STK3: variants seen among roughly 807,000 people sequenced by gnomAD.
STK3 encodes serine/threonine-protein kinase 3.
A neutral mutation model predicts 58.0 loss-of-function variants in STK3; 41 were observed. The ratio of observed to expected loss-of-function variants is 0.71; its 90% CI spans 0.55 to 0.92. STK3 has a LOEUF of 0.92. STK3 is among the 40% of genes least tolerant of loss of function. The pLI is 0.00. For missense variants in STK3, 479 were observed against 602.7 expected (o/e 0.79, Z 2.15); for synonymous variants, 170 against 191.0 (o/e 0.89, Z 0.91).
chr8:98,718,858 T>C (rs573172048), intron 4 of STK3, among the ~76,000 whole-genome samples: 2 of 152,246 alleles, frequency 1.3e-5, no homozygotes, highest in African/African-American at 4.8e-5. Context: ...CTCAAAAATT[T>C]AAAATTACAT....
chr8:98,559,875 A>G (rs1563739556), intron 8 of STK3, among the ~76,000 whole-genome samples: 1 of 152,148 alleles, frequency 6.6e-6, no homozygotes, highest in Non-Finnish European at 1.5e-5. Context: ...AAGGATAACT[A>G]TATTTTGAAT....
intron 8 of STK3, among the ~76,000 whole-genome samples, chr8:98,569,413 G>A (rs1253980067): frequency 6.6e-6 from 1 of 151,944 alleles, no homozygotes; most frequent in Non-Finnish European, 1.5e-5. Flanking sequence ...GATGACAGCT[G>A]CTCAACACTC....
chr8:98,693,077 G>A (rs1824529983), intron 6 of STK3, among the ~76,000 whole-genome samples: 1 of 152,108 alleles, frequency 6.6e-6, no homozygotes, highest in Non-Finnish European at 1.5e-5. Flanking sequence ...GAAAGGCAGA[G>A]AGAAATTTGA....
chr8:98,502,123 C>G (rs1010558144), intron 10 of STK3, among the ~76,000 whole-genome samples: 2 of 152,264 alleles, frequency 1.3e-5, no homozygotes, highest in African/African-American at 4.8e-5. Flanking sequence ...TCCTTCATAT[C>G]CCTTGTAAGT....
chr8:98,520,259 A>G (rs1418022714), intron 10 of STK3, among the ~76,000 whole-genome samples: 4 of 152,138 alleles, frequency 2.6e-5, no homozygotes, highest in Non-Finnish European at 4.4e-5. Flanking sequence ...AATTAGCCCA[A>G]ATATATTTTA....
intron 6 of STK3, among the ~76,000 whole-genome samples, chr8:98,632,839 T>C (rs1476334113): frequency 1.3e-5 from 2 of 152,182 alleles, no homozygotes; most frequent in Non-Finnish European, 2.9e-5. Context: ...TGTTCACTGA[T>C]AAGAGAGAGA....
At chr8:98,550,228 A>C (rs2131591610) in intron 8 of STK3, among the ~76,000 whole-genome samples, 1 of 152,178 alleles carries the variant, frequency 6.6e-6, no homozygotes, top group East Asian at 1.9e-4. Flanking sequence ...CCTCTTCCTA[A>C]ACCTACATGC....
intron 1 of STK3, among the ~76,000 whole-genome samples, chr8:98,795,781 T>C (rs1833121730): frequency 6.6e-6 from 1 of 150,946 alleles, no homozygotes; most frequent in South Asian, 2.1e-4. Context: ...CACGATCCCA[T>C]TTACAATGGC....
intron 6 of STK3, among the ~76,000 whole-genome samples, chr8:98,630,673 G>GAGAAGGAGGAGAAGGAGA (rs1308118501): frequency 2.0e-5 from 3 of 149,226 alleles, no homozygotes; most frequent in East Asian, 3.9e-4. Context: ...GGAGAAGGAG[G>GAGAAGGAGGAGAAGGAGA]AGAAGGAGGA....
At chr8:98,911,849 AAGCTTAT>A (rs1192621744) in intron 1 of STK3, among the ~76,000 whole-genome samples, 2 of 152,134 alleles carry the variant, frequency 1.3e-5, no homozygotes, top group Non-Finnish European at 2.9e-5. Context: ...ATAAAAAATA[AAGCTTAT>A]TCCTAAATGA....
chr8:98,726,138 C>T (rs58679407), intron 4 of STK3, among the ~76,000 whole-genome samples: 58,461 of 151,902 alleles, frequency 0.38, 11,633 homozygotes, highest in Admixed American at 0.48. Flanking sequence ...ATGTACAATA[C>T]AAAAATAAAG....
intron 3 of STK3, among the ~76,000 whole-genome samples, chr8:98,844,743 G>C (rs1489535744): frequency 6.6e-6 from 1 of 152,096 alleles, no homozygotes; most frequent in African/African-American, 2.4e-5. Context: ...GGGATTACAG[G>C]TGTGAGCCAC....
intron 6 of STK3, among the ~76,000 whole-genome samples, chr8:98,618,579 C>G (rs1306520439): frequency 2.7e-5 from 4 of 147,292 alleles, no homozygotes; most frequent in Admixed American, 1.4e-4. Context: ...TGTCTCAGCC[C>G]AAAATCTCCT....
At chr8:98,663,072 T>C (rs1822081547) in intron 6 of STK3, among the ~76,000 whole-genome samples, 1 of 152,158 alleles carries the variant, frequency 6.6e-6, no homozygotes, top group African/African-American at 2.4e-5. Context: ...CAAAAGAAAC[T>C]ACCACCAGAG....
intron 6 of STK3, among the ~76,000 whole-genome samples, chr8:98,608,127 C>T (rs1157171480): frequency 6.6e-6 from 1 of 151,948 alleles, no homozygotes; most frequent in Non-Finnish European, 1.5e-5. Flanking sequence ...ATCATAATTA[C>T]CAGAAAACAA....
At chr8:98,518,357 T>C (rs1825097381) in intron 10 of STK3, among the ~76,000 whole-genome samples, 1 of 152,130 alleles carries the variant, frequency 6.6e-6, no homozygotes, top group East Asian at 1.9e-4. Context: ...TCAGAAATTA[T>C]GGAAGCCTTA....
intron 6 of STK3, among the ~76,000 whole-genome samples, chr8:98,664,965 T>C (rs1327159700): frequency 6.6e-6 from 1 of 152,006 alleles, no homozygotes; most frequent in Non-Finnish European, 1.5e-5. Context: ...CTTAGAAACA[T>C]GGATCCCAAT....
intron 8 of STK3, among the ~76,000 whole-genome samples, chr8:98,550,972 A>C (rs1369828879): frequency 6.6e-6 from 1 of 152,190 alleles, no homozygotes; most frequent in Non-Finnish European, 1.5e-5. Flanking sequence ...ATTTCTGCCT[A>C]AATTTCAATG....
chr8:98,698,454 A>G (rs2131009021), intron 6 of STK3, among the ~76,000 whole-genome samples: 1 of 152,250 alleles, frequency 6.6e-6, no homozygotes, highest in East Asian at 1.9e-4. Context: ...GTTTCTTCCT[A>G]GCCTCGATGG....
Sources: gnomAD v4.1 joint callset for allele counts (sites outside exome capture counted in the v4.1 genomes callset) on GRCh38, gnomAD v4.1.1 for gene constraint, MANE v1.5 for transcripts, NCBI Gene and HGNC (gene_info 2026-07-23, HGNC 2026-07-21) for gene names.